Variants in TAF3 observed in about 807,000 individuals in gnomAD.
TAF3 encodes the protein TATA-box binding protein associated factor 3.
A neutral mutation model predicts 80.6 loss-of-function variants in TAF3; 7 were observed. That is an observed-to-expected ratio of 0.09 (90% CI 0.05 to 0.16). The LOEUF (loss-of-function observed/expected upper bound fraction) is 0.16. TAF3 is among the 10% of genes least tolerant of loss of function. TAF3 has a pLI of 1.00. For synonymous variants in TAF3, 444 were observed against 446.1 expected (o/e 1.00, Z 0.06); for missense variants, 921 against 1,140.2 (o/e 0.81, Z 2.77).
intron 2 of TAF3, among the ~76,000 whole-genome samples, chr10:7,861,396 G>T (rs145576525): frequency 6.6e-6 from 1 of 152,212 alleles, no homozygotes; most frequent in East Asian, 1.9e-4. Flanking sequence ...ATGAGCCACC[G>T]CACCCAGCCA....
At chr10:7,869,472 AGCATAGTGTT>A (rs1837245392) in intron 2 of TAF3, among the ~76,000 whole-genome samples, 1 of 152,142 alleles carries the variant, frequency 6.6e-6, no homozygotes, top group Non-Finnish European at 1.5e-5. Context: ...TCCTCATGGG[AGCATAGTGTT>A]GCATTACCTG....
chr10:7,898,502 C>T (rs1480940967), intron 2 of TAF3, among the ~76,000 whole-genome samples: 3 of 146,898 alleles, frequency 2.0e-5, no homozygotes, highest in Admixed American at 7.1e-5. Context: ...GCCTAGATCA[C>T]GCCACTGCGC....
intron 3 of TAF3, 67 bp downstream of exon 3, chr10:7,965,809 C>T: frequency 7.0e-7 from 1 of 1,420,062 alleles, no homozygotes; most frequent in Non-Finnish European, 9.2e-7. Context: ...GTAAACAAAG[C>T]CCACAATTAT....
intron 2 of TAF3, among the ~76,000 whole-genome samples, chr10:7,829,573 G>C (rs1836777976): frequency 6.6e-6 from 1 of 152,142 alleles, no homozygotes. Context: ...CTCATGATTA[G>C]ACTGGGGTTA....
chr10:7,835,183 A>G (rs1276322562), intron 2 of TAF3, among the ~76,000 whole-genome samples: 1 of 152,198 alleles, frequency 6.6e-6, no homozygotes, highest in Non-Finnish European at 1.5e-5. Flanking sequence ...GGCCACACAT[A>G]AAATACACTA....
chr10:7,874,341 A>G (rs1165619188), intron 2 of TAF3, among the ~76,000 whole-genome samples: 1 of 152,240 alleles, frequency 6.6e-6, no homozygotes, highest in Non-Finnish European at 1.5e-5. Flanking sequence ...CAGCATTTAT[A>G]AATTACAAAT....
chr10:7,924,887 G>A (rs573816286), intron 2 of TAF3, among the ~76,000 whole-genome samples: 10 of 152,176 alleles, frequency 6.6e-5, no homozygotes, highest in African/African-American at 2.4e-4. Flanking sequence ...AACGTAAGTT[G>A]TTTAGAAAGT....
intron 2 of TAF3, among the ~76,000 whole-genome samples, chr10:7,876,409 T>C (rs546091961): frequency 6.6e-6 from 1 of 152,196 alleles, no homozygotes; most frequent in South Asian, 2.1e-4. Flanking sequence ...TTCAATGAAA[T>C]GGGCCATAAG....
intron 2 of TAF3, among the ~76,000 whole-genome samples, chr10:7,945,314 T>G (rs932394194): frequency 9.2e-5 from 14 of 152,210 alleles, no homozygotes; most frequent in African/African-American, 3.4e-4. Context: ...TGGGTGTGGT[T>G]GTTTTAAATC....
intron 1 of TAF3, among the ~76,000 whole-genome samples, chr10:7,820,965 A>G (rs923084807): frequency 1.3e-5 from 2 of 152,190 alleles, no homozygotes; most frequent in African/African-American, 2.4e-5. Context: ...TAGGCTAGGC[A>G]TAGTCCAGAT....
Position 7,907,790 on chromosome 10 carries a change from T to C in TAF3, c.410-56130T>C, listed in dbSNP as rs1167857824. Reference sequence around the variant, plus strand: ...ATAATGTGGAGCCATGAAAGGTGTTTGGTGAGTGGGCCAATGATTAGATCT... The same window carrying C: ...ATAATGTGGAGCCATGAAAGGTGTTCGGTGAGTGGGCCAATGATTAGATCT... On this transcript the variant is annotated intron_variant, in intron 2 of 6. Coordinates refer to ENST00000344293, the MANE Select transcript of TAF3 (RefSeq NM_031923.4). Among the ~76,000 whole-genome samples, 4 of 152,302 alleles carry C rather than the reference T, an allele frequency of 2.6e-5. No homozygotes were observed. In the East Asian group the frequency reaches 7.7e-4, roughly 29 times the overall value.
At chr10:8,006,178 ATACAC>A (rs1283882728) in intron 4 of TAF3, among the ~76,000 whole-genome samples, 1 of 111,760 alleles carries the variant, frequency 8.9e-6, no homozygotes, top group Non-Finnish European at 1.8e-5. Flanking sequence ...GAAAAAAAAA[ATACAC>A]ACACACACAC....
Position 8,009,653 on chromosome 10 carries a change from C to T in TAF3, c.2568+323C>T, listed in dbSNP as rs1039662591. 6.6e-6 allele frequency among the ~76,000 whole-genome samples: 1 copy of T among 151,046 alleles called. No homozygotes were observed. Among genetic ancestry groups the T allele is most frequent in the Non-Finnish European group, 1.5e-5 (1 of 67,812 alleles). The stretch of plus-strand genomic sequence containing the variant: ...TTTTTTTTTTTGAGACAGAGTTTCG[C>T]TCTTATTGCCCAACCTGGAATGCGG... On this transcript the variant is annotated intron_variant, in intron 5 of 6. Coordinates refer to ENST00000344293, the MANE Select transcript of TAF3 (RefSeq NM_031923.4). The surrounding 1 kb of genome is among the most constrained non-coding windows in gnomAD (Gnocchi z 4.1).
intron 2 of TAF3, among the ~76,000 whole-genome samples, chr10:7,827,792 A>C (rs1388558977): frequency 2.7e-5 from 4 of 150,188 alleles, no homozygotes; most frequent in South Asian, 2.1e-4. Flanking sequence ...AAAAAAAAAA[A>C]AAAACAAAAA....
intron 4 of TAF3, among the ~76,000 whole-genome samples, chr10:7,994,749 G>T (rs1230637620): frequency 6.6e-6 from 1 of 151,232 alleles, no homozygotes; most frequent in African/African-American, 2.4e-5. Context: ...CAGATCACAA[G>T]GTCAGGAGAT....
In TAF3 at chr10:7,965,152, A is replaced by G. The variant is rs1163334890; in HGVS notation, c.1642A>G (p.Lys548Glu). The change falls in exon 3 of 7, where the codon AAG becomes GAG. Residue 548 changes from lysine to glutamate, a missense_variant. Lys to Glu is a moderately conservative substitution (Grantham distance 56). Around this residue, in one of 6 missense-constraint regions of TAF3, gnomAD observed 743 missense variants for 821.0 expected, o/e 0.90. Coordinates refer to ENST00000344293, the MANE Select transcript of TAF3 (RefSeq NM_031923.4). ...GAGAGATAGGGAGAGGGAAAAAGACAAGAACAAGGACAAAAGTAAGGAGAA... is the reference window on the plus strand; with the variant it reads ...GAGAGATAGGGAGAGGGAAAAAGACGAGAACAAGGACAAAAGTAAGGAGAA... Reference protein sequence around the residue: ...KQRDREREKDKNKDKSKEKDK... With the variant: ...KQRDREREKDENKDKSKEKDK... The G allele has an allele frequency of 6.2e-7, 1 of 1,611,812 alleles. No individual in the cohort carries two copies. Among genetic ancestry groups the G allele is most frequent in the Non-Finnish European group, 8.5e-7 (1 of 1,179,398 alleles).
chr10:7,870,837 T>C (rs1475517497), intron 2 of TAF3, among the ~76,000 whole-genome samples: 1 of 152,136 alleles, frequency 6.6e-6, no homozygotes, highest in Non-Finnish European at 1.5e-5. Flanking sequence ...CCACTCCATA[T>C]TTAAGATGCT....
intron 2 of TAF3, among the ~76,000 whole-genome samples, chr10:7,865,478 C>T (rs1401643329): frequency 1.9e-5 from 1 of 53,794 alleles, no homozygotes; most frequent in Non-Finnish European, 5.3e-5. Flanking sequence ...GACTCCGTCT[C>T]AAACAAACAA....
At chr10:7,862,994 T>G (rs905310423) in intron 2 of TAF3, among the ~76,000 whole-genome samples, 2 of 152,202 alleles carry the variant, frequency 1.3e-5, no homozygotes, top group African/African-American at 4.8e-5. Context: ...AACGTTGATA[T>G]GAACATTTAT....
Sources: gnomAD v4.1 joint callset for allele counts (sites outside exome capture counted in the v4.1 genomes callset) on GRCh38, gnomAD v4.1.1 for gene constraint, gnomAD v4.1.1 regional missense constraint, Gnocchi (gnomAD v3.1) non-coding constraint, MANE v1.5 for transcripts, NCBI Gene and HGNC (gene_info 2026-07-23, HGNC 2026-07-21) for gene names.